The following CCSER1 variants were observed in gnomAD, a reference collection of about 807,000 sequenced individuals.
CCSER1 encodes the protein serine-rich coiled-coil domain-containing protein 1.
A neutral mutation model predicts 82.0 loss-of-function variants in CCSER1; 41 were observed. The observed-to-expected ratio is 0.50, with a 90% CI of 0.39 to 0.65. The LOEUF is 0.65. Ranked by LOEUF, CCSER1 falls within the 30% of genes least tolerant of loss-of-function variation. The pLI, the probability that CCSER1 is intolerant of heterozygous loss-of-function variation, is 0.00. For synonymous variants in CCSER1, 414 were observed against 383.9 expected (o/e 1.08, Z -0.92); for missense variants, 1,119 against 1,064.2 (o/e 1.05, Z -0.72).
At chr4:90,548,073 C>G (rs1579092043) in intron 5 of CCSER1, among the ~76,000 whole-genome samples, 4 of 152,108 alleles carry the variant, frequency 2.6e-5, no homozygotes, top group African/African-American at 9.6e-5. Context: ...ATTCTTACAT[C>G]TCTGAAAGTG....
At chr4:91,169,746 T>A (rs1343412605) in intron 10 of CCSER1, among the ~76,000 whole-genome samples, 1 of 151,974 alleles carries the variant, frequency 6.6e-6, no homozygotes, top group Non-Finnish European at 1.5e-5. Context: ...CAACAAGAAA[T>A]AAAACTTTCT....
intron 5 of CCSER1, among the ~76,000 whole-genome samples, chr4:90,509,707 A>G (rs1480029629): frequency 1.3e-5 from 2 of 152,012 alleles, no homozygotes; most frequent in Non-Finnish European, 2.9e-5. Flanking sequence ...CCCCTCATTT[A>G]TTAGTTCCAG....
intron 9 of CCSER1, among the ~76,000 whole-genome samples, chr4:91,041,912 T>C (rs1741991027): frequency 6.6e-6 from 1 of 152,234 alleles, no homozygotes; most frequent in South Asian, 2.1e-4. Flanking sequence ...GATCGCAATG[T>C]CACATCTGAG....
chr4:91,035,721 C>T (rs1425521679), intron 9 of CCSER1, among the ~76,000 whole-genome samples: 1 of 152,062 alleles, frequency 6.6e-6, no homozygotes, highest in East Asian at 1.9e-4. Context: ...AAACAGCCAA[C>T]TCAATGTTTA....
intron 10 of CCSER1, among the ~76,000 whole-genome samples, chr4:91,156,171 T>G (rs1158688290): frequency 6.6e-6 from 1 of 151,694 alleles, no homozygotes; most frequent in African/African-American, 2.4e-5. Flanking sequence ...GATGGCCAAA[T>G]AGGGGTTCAT....
chr4:90,276,246 C>CTTTCTTTCTTTCTTTCTTTG (rs1727642434), intron 1 of CCSER1, among the ~76,000 whole-genome samples: 1 of 112,308 alleles, frequency 8.9e-6, no homozygotes, highest in African/African-American at 3.6e-5. Flanking sequence ...TTCTTTCTTT[C>CTTTCTTTCTTTCTTTCTTTG]TTTCTTTCCT....
intron 5 of CCSER1, among the ~76,000 whole-genome samples, chr4:90,575,151 T>C (rs145120078): frequency 6.6e-6 from 1 of 152,372 alleles, no homozygotes; most frequent in African/African-American, 2.4e-5. Flanking sequence ...ATGTCCTCGA[T>C]GACTTAGTTA....
intron 9 of CCSER1, among the ~76,000 whole-genome samples, chr4:90,948,505 A>G (rs1445755287): frequency 2.0e-5 from 3 of 151,892 alleles, no homozygotes; most frequent in African/African-American, 7.2e-5. Flanking sequence ...AGATTTATAA[A>G]TACGAGAAGT....
chr4:90,821,550 A>G (rs1490396813), intron 8 of CCSER1, among the ~76,000 whole-genome samples: 2 of 152,194 alleles, frequency 1.3e-5, no homozygotes, highest in Non-Finnish European at 2.9e-5. Flanking sequence ...CTTATCCAAC[A>G]GAAAGATTTA....
intron 5 of CCSER1, among the ~76,000 whole-genome samples, chr4:90,559,826 A>AAT (rs1778540917): frequency 6.6e-6 from 1 of 150,960 alleles, no homozygotes; most frequent in Admixed American, 6.6e-5. Flanking sequence ...AAAAAAAAAA[A>AAT]AAAAAAAAAT....
intron 4 of CCSER1, among the ~76,000 whole-genome samples, chr4:90,462,169 AC>A (rs1763012135): frequency 6.8e-6 from 1 of 147,192 alleles, no homozygotes; most frequent in Non-Finnish European, 1.5e-5. Flanking sequence ...TTTGGTATTT[AC>A]AATACCAAAA....
At chr4:90,298,965 C>T (rs1317767857) in intron 1 of CCSER1, among the ~76,000 whole-genome samples, 1 of 152,068 alleles carries the variant, frequency 6.6e-6, no homozygotes, top group Non-Finnish European at 1.5e-5. Context: ...CTTTCTAAAT[C>T]TGACCAAAGC....
At chr4:90,869,880 T>TCAAGAATG (rs1165462455) in intron 8 of CCSER1, among the ~76,000 whole-genome samples, 1 of 151,958 alleles carries the variant, frequency 6.6e-6, no homozygotes, top group African/African-American at 2.4e-5. Flanking sequence ...TTGATTTCTT[T>TCAAGAATG]CAAGAATGTT....
chr4:90,854,725 C>CTT (rs146873811), intron 8 of CCSER1, among the ~76,000 whole-genome samples: 3 of 149,812 alleles, frequency 2.0e-5, no homozygotes, highest in Non-Finnish European at 4.5e-5. Flanking sequence ...GTACTCAGAA[C>CTT]TTTTTTTTTT....
At chr4:90,692,640 C>A (rs181292646) in intron 6 of CCSER1, among the ~76,000 whole-genome samples, 1 of 151,808 alleles carries the variant, frequency 6.6e-6, no homozygotes. Context: ...ACTTCATGAA[C>A]GACCATTTTA....
rs901472023 is a variant in CCSER1, at chr4:91,355,142, TAA to T, written c.2218-243428_2218-243427del. ...TTTTTAATCCTCTTTTCAAGTAGCCTAAATGACACAAGACCAGTATTGACACA... is the reference window on the plus strand; with the variant it reads ...TTTTTAATCCTCTTTTCAAGTAGCCTATGACACAAGACCAGTATTGACACA... On this transcript the variant is annotated intron_variant, in intron 10 of 10. Coordinates refer to ENST00000509176, the MANE Select transcript of CCSER1 (RefSeq NM_001145065.2). Among the ~76,000 whole-genome samples, 17 of 152,288 alleles carry T rather than the reference TAA, an allele frequency of 1.1e-4. 1 individual carries two copies. Among genetic ancestry groups the T allele is most frequent in the African/African-American group, 4.1e-4 (17 of 41,574 alleles).
intron 5 of CCSER1, among the ~76,000 whole-genome samples, chr4:90,610,523 T>C (rs1200174406): frequency 6.6e-6 from 1 of 152,128 alleles, no homozygotes; most frequent in Non-Finnish European, 1.5e-5. Flanking sequence ...TTAGCTCTTT[T>C]TGCTTTCTAA....
chr4:91,035,634 T>A (rs993984747), intron 9 of CCSER1, among the ~76,000 whole-genome samples: 1 of 152,070 alleles, frequency 6.6e-6, no homozygotes, highest in African/African-American at 2.4e-5. Context: ...ATGGCTTCTA[T>A]CTTTTTTTAA....
chr4:90,256,254 T>G (rs528656106), intron 1 of CCSER1, among the ~76,000 whole-genome samples: 1 of 152,178 alleles, frequency 6.6e-6, no homozygotes, highest in Non-Finnish European at 1.5e-5. Flanking sequence ...GACTCATTCT[T>G]TCTATTACAA....
Sources: gnomAD v4.1 joint callset for allele counts (sites outside exome capture counted in the v4.1 genomes callset) on GRCh38, gnomAD v4.1.1 for gene constraint, MANE v1.5 for transcripts, NCBI Gene and HGNC (gene_info 2026-07-23, HGNC 2026-07-21) for gene names.